Variants in ADAMTS12 observed in about 807,000 individuals in gnomAD.
The protein encoded by ADAMTS12 is ADAM metallopeptidase with thrombospondin type 1 motif 12.
Under a neutral mutation model 167.8 loss-of-function variants are expected in ADAMTS12, and 118 were observed. The observed-to-expected ratio is 0.70, with a 90% CI of 0.61 to 0.82. The LOEUF (loss-of-function observed/expected upper bound fraction) is 0.82, where lower values mean the gene tolerates loss of function less well. Ranked by LOEUF, ADAMTS12 falls within the 40% of genes least tolerant of loss-of-function variation. The probability of loss-of-function intolerance (pLI) is 0.00; values close to 1 mark genes in which losing one functional copy is unlikely to be tolerated. For missense variants in ADAMTS12, 1,916 were observed against 1,998.8 expected (o/e 0.96, Z 0.79); for synonymous variants, 704 against 716.9 (o/e 0.98, Z 0.29).
intron 9 of ADAMTS12, among the ~76,000 whole-genome samples, chr5:33,647,846 TG>T (rs1740733055): frequency 6.6e-6 from 1 of 152,254 alleles, no homozygotes; most frequent in African/African-American, 2.4e-5. Context: ...CTGTTAAGTT[TG>T]CTTGTTCTGT....
At chr5:33,813,543 G>A (rs935791181) in intron 2 of ADAMTS12, among the ~76,000 whole-genome samples, 2 of 152,172 alleles carry the variant, frequency 1.3e-5, no homozygotes, top group Non-Finnish European at 2.9e-5. Context: ...TTGATCAGTA[G>A]AATACAGTAG....
intron 2 of ADAMTS12, among the ~76,000 whole-genome samples, chr5:33,765,741 GC>G (rs1322204026): frequency 6.6e-6 from 1 of 151,946 alleles, no homozygotes; most frequent in Non-Finnish European, 1.5e-5. Context: ...AATGGCTCTT[GC>G]CTCTTTTATG....
At chr5:33,686,999 C>T (rs990260111) in intron 3 of ADAMTS12, among the ~76,000 whole-genome samples, 39 of 150,736 alleles carry the variant, frequency 2.6e-4, no homozygotes, top group African/African-American at 9.5e-4. Flanking sequence ...GACTTCAAGT[C>T]TCTAGAATTG....
At chr5:33,564,202 CA>C (rs759508246) in intron 19 of ADAMTS12, among the ~76,000 whole-genome samples, 4 of 152,116 alleles carry the variant, frequency 2.6e-5, no homozygotes, top group Non-Finnish European at 5.9e-5. Context: ...AAGCTTTGTG[CA>C]AGATCAGACT....
intron 19 of ADAMTS12, among the ~76,000 whole-genome samples, chr5:33,566,450 T>C (rs1354749432): frequency 6.6e-6 from 1 of 152,102 alleles, no homozygotes; most frequent in Non-Finnish European, 1.5e-5. Flanking sequence ...GGTGACAGAG[T>C]GAGACCCTGT....
intron 5 of ADAMTS12, 133 bp from the exon 6 acceptor site, chr5:33,662,173 T>C (rs1188178674): frequency 2.6e-6 from 3 of 1,168,792 alleles, no homozygotes; most frequent in East Asian, 2.5e-5. Flanking sequence ...TTGGCAGTCA[T>C]GTGGCAGAGG....
At position 33,524,873 on chromosome 5, in the gene ADAMTS12, C is replaced by CT. The variant is rs1280664571; in HGVS notation, c.*2314dup. On this transcript the variant is annotated 3_prime_UTR_variant, in exon 24 of 24. Coordinates refer to ENST00000504830, the MANE Select transcript of ADAMTS12 (RefSeq NM_030955.4). The stretch of plus-strand genomic sequence containing the variant: ...TGGAAAAAGACCTAGAATGGAGCAC[C>CT]TGGCCAAACTCTCTCCACATGTCTA... 6.6e-6 allele frequency: 1 copy of CT among 152,226 alleles called. No individual in the cohort carries two copies. The highest frequency in any genetic ancestry group is 1.5e-5 in the Non-Finnish European group (1 of 68,048). The allele number at this position is 152,226 out of a possible 1,614,324, so 9.4% of individuals were successfully genotyped here.
At chr5:33,876,088 C>T (rs1219137192) in intron 2 of ADAMTS12, among the ~76,000 whole-genome samples, 7 of 152,088 alleles carry the variant, frequency 4.6e-5, no homozygotes, top group African/African-American at 7.2e-5. Flanking sequence ...GTCAATCTAA[C>T]AAAACACATA....
intron 3 of ADAMTS12, among the ~76,000 whole-genome samples, chr5:33,722,793 T>G (rs1379891806): frequency 6.6e-6 from 1 of 152,192 alleles, no homozygotes; most frequent in Non-Finnish European, 1.5e-5. Flanking sequence ...AGCAAGGTGA[T>G]GGTTATGTCA....
At chr5:33,859,515 G>A (rs1749525253) in intron 2 of ADAMTS12, among the ~76,000 whole-genome samples, 1 of 152,356 alleles carries the variant, frequency 6.6e-6, no homozygotes, top group Non-Finnish European at 1.5e-5. Context: ...CCAGTCAGGG[G>A]CTTATAGATA....
rs540741391 is a variant in ADAMTS12 at position 33,762,513 on chromosome 5, A to AAAAT, written c.490-10969_490-10966dup. On this transcript the variant is annotated intron_variant, in intron 2 of 23. Coordinates refer to ENST00000504830, the MANE Select transcript of ADAMTS12 (RefSeq NM_030955.4). ...GCATAGTGAGACTCCACCTCAAAAA[A>AAAAT]AAATAAATAAATAAATAAAGGAAAG... 6.2e-3 allele frequency among the ~76,000 whole-genome samples: 939 copies of AAAAT among 152,166 alleles called. 13 individuals are homozygous for AAAAT. The highest frequency in any genetic ancestry group is 0.022 in the African/African-American group (893 of 41,496).
intron 2 of ADAMTS12, among the ~76,000 whole-genome samples, chr5:33,880,220 C>T (rs951941915): frequency 1.3e-5 from 2 of 152,214 alleles, no homozygotes; most frequent in African/African-American, 2.4e-5. Flanking sequence ...TCTGCTAAAA[C>T]GAGGCAAAGT....
chr5:33,849,684 T>C (rs1414667740), intron 2 of ADAMTS12, among the ~76,000 whole-genome samples: 1 of 146,328 alleles, frequency 6.8e-6, no homozygotes, highest in South Asian at 2.1e-4. Flanking sequence ...TGCACAGCAA[T>C]ATATGGTATC....
At chr5:33,725,971 C>T (rs1743967708) in intron 3 of ADAMTS12, among the ~76,000 whole-genome samples, 1 of 152,188 alleles carries the variant, frequency 6.6e-6, no homozygotes, top group South Asian at 2.1e-4. Context: ...ACATACATCC[C>T]TAACTCTTCT....
intron 3 of ADAMTS12, among the ~76,000 whole-genome samples, chr5:33,684,434 C>G (rs1742248852): frequency 6.6e-6 from 1 of 152,158 alleles, no homozygotes; most frequent in African/African-American, 2.4e-5. Context: ...TCATGAATGA[C>G]AGAGGTACAT....
rs753322461 is a variant in ADAMTS12, at chr5:33,614,255, C to T, written c.2510G>A (p.Ser837Asn). The T allele has an allele frequency of 6.2e-7, 1 of 1,613,924 alleles. No individual in the cohort carries two copies. Among genetic ancestry groups the T allele is most frequent in the Non-Finnish European group, 8.5e-7 (1 of 1,179,922 alleles). ...TTTCTCACCTGTCCCGCAGGTCACA[C>T]TGCACTCTGTCCAGTGGCCGTACTG... Reference protein sequence around the residue: ...FWQYGHWTECSVTCGTGIRRQ... With the variant: ...FWQYGHWTECNVTCGTGIRRQ... The change falls in exon 16 of 24, where the codon AGT (serine) becomes AAT (asparagine). Residue 837 changes from serine to asparagine, a missense_variant. Ser to Asn is a conservative substitution (Grantham distance 46). Transcript: ENST00000504830.
chr5:33,890,844 C>T (rs1750815975), intron 1 of ADAMTS12, among the ~76,000 whole-genome samples: 1 of 152,240 alleles, frequency 6.6e-6, no homozygotes, highest in South Asian at 2.1e-4. Context: ...GCTGCAGCAT[C>T]CTCATCTGTA....
At chr5:33,578,709 T>G (rs1377179621) in intron 18 of ADAMTS12, among the ~76,000 whole-genome samples, 1 of 152,222 alleles carries the variant, frequency 6.6e-6, no homozygotes, top group Non-Finnish European at 1.5e-5. Flanking sequence ...AATATTGACA[T>G]AGAAAACTTC....
chr5:33,781,401 C>A (rs1239502453), intron 2 of ADAMTS12, among the ~76,000 whole-genome samples: 5 of 152,112 alleles, frequency 3.3e-5, no homozygotes, highest in Non-Finnish European at 7.4e-5. Context: ...TTACTAAATG[C>A]CTGTTCTGAT....
Sources: allele counts gnomAD v4.1 joint callset (sites outside exome capture counted in the v4.1 genomes callset), GRCh38; gene constraint gnomAD v4.1.1; transcripts MANE v1.5; gene names NCBI Gene and HGNC (gene_info 2026-07-23, HGNC 2026-07-21).